Variants in IFFO1 observed in about 807,000 individuals in gnomAD.
The protein encoded by IFFO1 is intermediate filament family orphan 1.
IFFO1 carries 42 observed loss-of-function variants against 59.6 expected under a neutral mutation model. The ratio of observed to expected loss-of-function variants is 0.70; its 90% confidence interval spans 0.55 to 0.91. The LOEUF (loss-of-function observed/expected upper bound fraction) is 0.91, where lower values mean the gene tolerates loss of function less well. Among genes scored for constraint, IFFO1 ranks in the 40% least tolerant of loss-of-function variants. The pLI, the probability that IFFO1 is intolerant of heterozygous loss-of-function variation, is 0.00. For synonymous variants in IFFO1, 336 were observed against 342.8 expected (o/e 0.98, Z 0.22); for missense variants, 711 against 793.2 (o/e 0.90, Z 1.24).
In IFFO1 at chr12:6,540,562, G is replaced by A. The variant is rs778790230; in HGVS notation, c.1637C>T (p.Pro546Leu). The A allele has an allele frequency of 1.9e-6, 3 of 1,613,876 alleles. No individual in the cohort carries two copies. Among genetic ancestry groups the A allele is most frequent in the Non-Finnish European group, 2.5e-6 (3 of 1,180,006 alleles). The change falls in exon 10 of 10, where the codon CCG becomes CTG. Residue 546 changes from proline to leucine, a missense_variant. By Grantham distance (98) the Pro-to-Leu change is moderately conservative. Around this residue, in one of 3 missense-constraint regions of IFFO1, gnomAD observed 579 missense variants for 650.3 expected, o/e 0.89. Coordinates refer to ENST00000619571, the MANE Select transcript of IFFO1 (RefSeq NM_001193457.2). ...TGGCGGCGGCGGCGGGTCGCTAAGCGGGACCGCAGTGAAAGCAGGAGACTT... is the reference window on the plus strand; with the variant it reads ...TGGCGGCGGCGGCGGGTCGCTAAGCAGGACCGCAGTGAAAGCAGGAGACTT... ...DRKSPAFTAVPLSDPPPPPSE... is the reference protein window; with the variant it reads ...DRKSPAFTAVLLSDPPPPPSE...
Position 6,541,638 on chromosome 12 carries a change from T to C in IFFO1, c.1484A>G (p.Glu495Gly). ...CATGTCGTTCTTGGCCGTGGCCAAC[T>C]CCAGCTGTGGTGGGGCAGGCAGGGC... Reference protein sequence around the residue: ...YQETIDQIELELATAKNDMNR... With the variant: ...YQETIDQIELGLATAKNDMNR... The change falls in exon 9 of 10, where the codon GAG becomes GGG. Residue 495 changes from glutamate (E) to glycine (G), a missense_variant. Glu to Gly is a moderately conservative substitution (Grantham distance 98). This residue lies in a region of IFFO1 where 579 missense variants were observed against 650.3 expected (regional missense o/e 0.89). Transcript: ENST00000619571. The surrounding 1 kb of genome is among the most constrained non-coding windows in gnomAD (Gnocchi z 4.8). The C allele has an allele frequency of 6.2e-7, 1 of 1,614,038 alleles. No individual in the cohort carries two copies. The highest frequency in any genetic ancestry group is 2.2e-5 in the East Asian group (1 of 44,884).
Position 6,555,678 on chromosome 12 carries a change from C to T in IFFO1, c.352G>A (p.Gly118Ser), listed in dbSNP as rs745988083. ...ACTGCCTGGTCGCGACGACCCAGGC[C>T]CCGCCGGCCCTGCTTACCCTCCTCC... ...ALEEGKQGRR[G>S]LGRRDQAVQT... Residue 118 changes from glycine to serine, a missense_variant, in exon 1 of 10, where the codon GGC (glycine) becomes AGC (serine). Gly to Ser is a moderately conservative substitution (Grantham distance 56). Coordinates refer to ENST00000619571, the MANE Select transcript of IFFO1 (RefSeq NM_001193457.2). This position sits in a 1 kb window ranked among gnomAD's most constrained non-coding sequence, Gnocchi z 8.6. 2 of 1,608,544 alleles carry T rather than the reference C, an allele frequency of 1.2e-6. No homozygotes were observed. Among genetic ancestry groups the T allele is most frequent in the Admixed American group, 3.4e-5 (2 of 59,652 alleles).
Position 6,540,159 on chromosome 12 carries a change from T to C in IFFO1, c.*324A>G. 2.3e-6 allele frequency: 1 copy of C among 441,308 alleles called. No homozygotes were observed. Among genetic ancestry groups the C allele is most frequent in the East Asian group, 4.7e-5 (1 of 21,152 alleles). The allele number at this position is 441,308 out of a possible 1,614,324, so 27.3% of individuals were successfully genotyped here. A position where few individuals can be genotyped will look rare whatever the true frequency, so the allele number is the denominator to read the frequency against. ...AGGAAAGGTCCCACATTCACATTCC[T>C]GATACGTGGACAAGGTGAGGGGCCG... On this transcript the variant is annotated 3_prime_UTR_variant, in exon 10 of 10. Coordinates refer to ENST00000619571, the MANE Select transcript of IFFO1 (RefSeq NM_001193457.2).
In IFFO1 at chr12:6,550,961, G is replaced by A. The variant is rs201471948; in HGVS notation, c.814C>T (p.Arg272Cys). Residue 272 changes from arginine (R) to cysteine (C), a missense_variant, in exon 2 of 10, where the codon CGT (arginine) becomes TGT (cysteine). Physicochemically the swap from Arg to Cys is radical, Grantham distance 180. Coordinates refer to ENST00000619571, the MANE Select transcript of IFFO1 (RefSeq NM_001193457.2). ...CTCACCTCCTGGAGCTCATTTACAC[G>A]GTCTTGCAGCTGGATCCGCACCGTG... is the stretch of plus-strand genomic sequence containing the variant. ...EYTVRIQLQD[R>C]VNELQEEAQE... 493 of 1,614,156 alleles carry A rather than the reference G, an allele frequency of 3.1e-4. 6 individuals carry two copies. The South Asian group carries it at 3.1e-3, about 10-fold the overall frequency.
rs750779916 is a variant in IFFO1, at chr12:6,548,807, G to GC, written c.1122dup (p.Arg375AlafsTer19). On this transcript the variant is annotated frameshift_variant, in exon 6 of 10. Transcript: ENST00000619571. LOFTEE classifies it high-confidence loss of function. This position sits in a 1 kb window ranked among gnomAD's most constrained non-coding sequence, Gnocchi z 6.1. Reference sequence around the variant, plus strand: ...ACGGCAGCCTTGCGCTCCCGCTTCCGCCCCCCCATGGATGGGACCTTAATG... The same window carrying GC: ...ACGGCAGCCTTGCGCTCCCGCTTCCGCCCCCCCCATGGATGGGACCTTAATG... The GC allele has an allele frequency of 2.5e-5, 40 of 1,612,722 alleles. No homozygotes were observed. The highest frequency in any genetic ancestry group is 3.3e-5 in the Admixed American group (2 of 59,874).
Position 6,548,236 on chromosome 12 carries a change from G to A in IFFO1, c.1384-76C>T. 3 of 1,329,720 alleles carry A rather than the reference G, an allele frequency of 2.3e-6. No individual in the cohort carries two copies. The highest frequency in any genetic ancestry group is 3.2e-6 in the Non-Finnish European group (3 of 932,162). 82.4% of individuals were successfully genotyped at this position (1,329,720 alleles called of 1,614,324 possible). A position where few individuals can be genotyped will look rare whatever the true frequency, so the allele number is the denominator to read the frequency against. On this transcript the variant is annotated intron_variant, in intron 7 of 9. Coordinates refer to ENST00000619571, the MANE Select transcript of IFFO1 (RefSeq NM_001193457.2). The surrounding 1 kb of genome is among the most constrained non-coding windows in gnomAD (Gnocchi z 6.1). ...GACGCATTCCAAAGGGCCAAGTCAGGGAGAGAGAGAGAGAGGAAGTCTGGT... is the reference window on the plus strand; with the variant it reads ...GACGCATTCCAAAGGGCCAAGTCAGAGAGAGAGAGAGAGAGGAAGTCTGGT...
At position 6,541,512 on chromosome 12, in the gene IFFO1, C is replaced by T. The variant is rs774141746; in HGVS notation, c.1610G>A (p.Arg537Gln). 1.4e-5 allele frequency: 23 copies of T among 1,613,518 alleles called. No individual in the cohort carries two copies. Among genetic ancestry groups the T allele is most frequent in the East Asian group, 8.9e-5 (4 of 44,900 alleles). The change falls in exon 9 of 10, where the codon CGA (arginine) becomes CAA (glutamine). Residue 537 changes from arginine to glutamine, a missense_variant and splice_region_variant. Around this residue, in one of 3 missense-constraint regions of IFFO1, gnomAD observed 579 missense variants for 650.3 expected, o/e 0.89. Coordinates refer to ENST00000619571, the MANE Select transcript of IFFO1 (RefSeq NM_001193457.2). The surrounding 1 kb of genome is among the most constrained non-coding windows in gnomAD (Gnocchi z 4.8). ...CCCCATGCCCAGGGGAGGCGCCTAC[C>T]GGTCTCCAGACTGGGTGATGAGCCG... The part of the protein sequence containing the change: ...CRRLITQSGD[R>Q]KSPAFTAVPL...
intron 8 of IFFO1, chr12:6,543,868 G>T (rs1946832107): frequency 6.6e-6 from 1 of 152,178 alleles, no homozygotes; most frequent in Non-Finnish European, 1.5e-5. Flanking sequence ...GGGAGGCTGA[G>T]GCAGGAGAAT....
chr12:6,547,932 T>C (rs1053914676), intron 8 of IFFO1, 133 bp downstream of exon 8: 5 of 725,220 alleles, frequency 6.9e-6, no homozygotes, highest in African/African-American at 5.2e-5. Flanking sequence ...AGGAGGACTA[T>C]AGCTGAGAGA....
rs774374536 is a variant in IFFO1 at position 6,555,473 on chromosome 12, G to A, written c.557C>T (p.Ser186Phe). 4.3e-6 allele frequency: 7 copies of A among 1,612,562 alleles called. No homozygotes were observed. Among genetic ancestry groups the A allele is most frequent in the African/African-American group, 1.3e-5 (1 of 75,010 alleles). The stretch of plus-strand genomic sequence containing the variant: ...GCCGGGCATGAAGCGGGCCGACGAG[G>A]AATAGGTGGTGGAGGTGGAGGTGGA... ...SSSTSTSTTY[S>F]SSARFMPGTI... Residue 186 changes from serine to phenylalanine, a missense_variant, in exon 1 of 10, where the codon TCC becomes TTC. Physicochemically the swap from Ser to Phe is radical, Grantham distance 155. Around this residue, in one of 3 missense-constraint regions of IFFO1, gnomAD observed 579 missense variants for 650.3 expected, o/e 0.89. Coordinates refer to ENST00000619571, the MANE Select transcript of IFFO1 (RefSeq NM_001193457.2). This position sits in a 1 kb window ranked among gnomAD's most constrained non-coding sequence, Gnocchi z 8.6.
Position 6,550,724 on chromosome 12 carries a change from G to A in IFFO1, c.901C>T (p.Leu301=), listed in dbSNP as rs2136133669. The A allele has an allele frequency of 1.9e-6, 3 of 1,614,100 alleles. 1 individual carries two copies. In the East Asian group the frequency reaches 6.7e-5, roughly 36 times the overall value. ...ALKVEQLKAE[L]VVFKGLMSNN... is the part of the protein sequence containing the mutation. ...CTCATGAGCCCCTTGAAGACCACCA[G>A]CTCAGCCTTCAACTGTTCCACCTTC... The change falls in exon 3 of 10, where the codon CTG becomes TTG. Residue 301 remains leucine (L), a synonymous_variant. Transcript: ENST00000619571.
chr12:6,543,796 T>C (rs907224446), intron 8 of IFFO1: 2 of 151,954 alleles, frequency 1.3e-5, no homozygotes, highest in African/African-American at 2.4e-5. Flanking sequence ...AGAAACCCCA[T>C]CTCTACTAAA....
In IFFO1 at chr12:6,549,414, G is replaced by A; in HGVS notation, c.1080+62C>T. On this transcript the variant is annotated intron_variant, in intron 5 of 9. Coordinates refer to ENST00000619571, the MANE Select transcript of IFFO1 (RefSeq NM_001193457.2). The surrounding 1 kb of genome is among the most constrained non-coding windows in gnomAD (Gnocchi z 5.0). Reference sequence around the variant, plus strand: ...AGCGGGCCCAAACTGAGGGCCAGGAGGCCTAGGCAGCTTAGAAACTGGGAC... The same window carrying A: ...AGCGGGCCCAAACTGAGGGCCAGGAAGCCTAGGCAGCTTAGAAACTGGGAC... 1 of 1,601,164 alleles carries A rather than the reference G, an allele frequency of 6.2e-7. No homozygotes were observed. Among genetic ancestry groups the A allele is most frequent in the South Asian group, 1.1e-5 (1 of 90,744 alleles).
In IFFO1 at chr12:6,549,377, G is replaced by T; in HGVS notation, c.1080+99C>A. Reference sequence around the variant, plus strand: ...AGGGAAAGGGCAGAAAAAAATCCGTGCTCAAGAGCCCAGCGGGCCCAAACT... The same window carrying T: ...AGGGAAAGGGCAGAAAAAAATCCGTTCTCAAGAGCCCAGCGGGCCCAAACT... On this transcript the variant is annotated intron_variant, in intron 5 of 9. Coordinates refer to ENST00000619571, the MANE Select transcript of IFFO1 (RefSeq NM_001193457.2). The surrounding 1 kb of genome is among the most constrained non-coding windows in gnomAD (Gnocchi z 5.0). The T allele has an allele frequency of 8.2e-7, 1 of 1,212,538 alleles. No homozygotes were observed. Among genetic ancestry groups the T allele is most frequent in the Non-Finnish European group, 1.2e-6 (1 of 829,364 alleles). 75.1% of individuals were successfully genotyped at this position (1,212,538 alleles called of 1,614,324 possible).
Position 6,540,624 on chromosome 12 carries a change from G to A in IFFO1, c.1611-36C>T. 2.6e-6 allele frequency: 4 copies of A among 1,562,410 alleles called. 1 individual carries two copies. Among genetic ancestry groups the A allele is most frequent in the Non-Finnish European group, 3.5e-6 (4 of 1,135,182 alleles). ...ACACCAGTTGTCAACCTTGGGGCAG[G>A]CAGGAATCCTGAAGACGGACGGCAC... On this transcript the variant is annotated intron_variant, in intron 9 of 9. Transcript: ENST00000619571.
At chr12:6,554,025 T>C (rs1398738149) in intron 1 of IFFO1, among the ~76,000 whole-genome samples, 1 of 151,816 alleles carries the variant, frequency 6.6e-6, no homozygotes, top group Non-Finnish European at 1.5e-5. Context: ...CACCTACCAG[T>C]GTTTACGAAA....
rs762180568 is a variant in IFFO1, at chr12:6,555,940, G to T, written c.90C>A (p.Asp30Glu). 3.9e-6 allele frequency: 6 copies of T among 1,553,096 alleles called. No homozygotes were observed. The South Asian group carries it at 7.0e-5, about 18-fold the overall frequency. Residue 30 changes from aspartate to glutamate, a missense_variant, in exon 1 of 10, where the codon GAC becomes GAA. Asp to Glu is a conservative substitution (Grantham distance 45). Coordinates refer to ENST00000619571, the MANE Select transcript of IFFO1 (RefSeq NM_001193457.2). This position sits in a 1 kb window ranked among gnomAD's most constrained non-coding sequence, Gnocchi z 8.6. ...AGPLGDSLGG[D>E]HFAGGGDLPP... ...GCAAGTCTCCTCCCCCGGCGAAGTGGTCGCCTCCCAGTGAGTCCCCCAGTG... is the reference window on the plus strand; with the variant it reads ...GCAAGTCTCCTCCCCCGGCGAAGTGTTCGCCTCCCAGTGAGTCCCCCAGTG...
At position 6,555,699 on chromosome 12, in the gene IFFO1, C is replaced by T. The variant is rs1357432543; in HGVS notation, c.331G>A (p.Glu111Lys). ...LEKQLQQALE[E>K]GKQGRRGLGR... ...AGGCCCCGCCGGCCCTGCTTACCCT[C>T]CTCCAGCGCTTGCTGCAGTTGCTTC... Residue 111 changes from glutamate (E) to lysine (K), a missense_variant, in exon 1 of 10, where the codon GAG becomes AAG. Physicochemically the swap from Glu to Lys is moderately conservative, Grantham distance 56. Transcript: ENST00000619571. The surrounding 1 kb of genome is among the most constrained non-coding windows in gnomAD (Gnocchi z 8.6). 2.5e-6 allele frequency: 4 copies of T among 1,611,942 alleles called. No individual in the cohort carries two copies. Among genetic ancestry groups the T allele is most frequent in the Non-Finnish European group, 3.4e-6 (4 of 1,179,244 alleles).
intron 8 of IFFO1, chr12:6,543,969 AAATAAT>A (rs1047175076): frequency 4.6e-5 from 7 of 152,124 alleles, no homozygotes; most frequent in African/African-American, 1.4e-4. Context: ...CTGTCTCTAA[AAATAAT>A]AATAATAATT....
Sources: gnomAD v4.1 joint callset for allele counts (sites outside exome capture counted in the v4.1 genomes callset) on GRCh38, gnomAD v4.1.1 for gene constraint, gnomAD v4.1.1 regional missense constraint, Gnocchi (gnomAD v3.1) non-coding constraint, MANE v1.5 for transcripts, NCBI Gene and HGNC (gene_info 2026-07-23, HGNC 2026-07-21) for gene names.